Variants in DCC observed in about 807,000 individuals in gnomAD.
DCC encodes netrin receptor DCC.
Under a neutral mutation model 172.5 loss-of-function variants are expected in DCC, and 58 were observed. That is an observed-to-expected ratio of 0.34 (90% CI 0.27 to 0.42). DCC has a LOEUF of 0.42. Among genes scored for constraint, DCC ranks in the 10% least tolerant of loss-of-function variants. DCC has a pLI of 1.00. For synonymous variants in DCC, 709 were observed against 644.5 expected (o/e 1.10, Z -1.52); for missense variants, 1,740 against 1,791.0 (o/e 0.97, Z 0.51).
chr18:53,296,814 A>T (rs996013662), intron 12 of DCC, among the ~76,000 whole-genome samples: 1 of 152,212 alleles, frequency 6.6e-6, no homozygotes, highest in African/African-American at 2.4e-5. Context: ...CTGATTTTAA[A>T]TTAGTTTTCA....
chr18:52,455,945 A>T (rs972235542), intron 1 of DCC, among the ~76,000 whole-genome samples: 16 of 152,130 alleles, frequency 1.1e-4, no homozygotes, highest in Non-Finnish European at 2.2e-4. Context: ...CCATATGGTG[A>T]CTTTTGGAAG....
intron 5 of DCC, among the ~76,000 whole-genome samples, chr18:52,943,991 C>T (rs1400877953): frequency 6.6e-6 from 1 of 152,196 alleles, no homozygotes; most frequent in African/African-American, 2.4e-5. Flanking sequence ...CTCCTAACCT[C>T]AAGTGATCTG....
At chr18:52,729,061 A>AT (rs2036596479) in intron 1 of DCC, among the ~76,000 whole-genome samples, 1 of 152,308 alleles carries the variant, frequency 6.6e-6, no homozygotes, top group African/African-American at 2.4e-5. Context: ...TTTTTTAAAA[A>AT]TTTAAGCATA....
chr18:52,930,926 A>G (rs2040297937), intron 5 of DCC, among the ~76,000 whole-genome samples: 1 of 152,080 alleles, frequency 6.6e-6, no homozygotes, highest in African/African-American at 2.4e-5. Context: ...TATGGATTAC[A>G]TGTTGAATGT....
At chr18:52,682,649 T>A (rs1340638217) in intron 1 of DCC, among the ~76,000 whole-genome samples, 1 of 152,112 alleles carries the variant, frequency 6.6e-6, no homozygotes, top group Admixed American at 6.6e-5. Context: ...AAGCCAGTGA[T>A]GTCCTAGGAA....
chr18:52,574,136 C>G (rs950606929), intron 1 of DCC, among the ~76,000 whole-genome samples: 3 of 152,106 alleles, frequency 2.0e-5, no homozygotes, highest in Non-Finnish European at 2.9e-5. Context: ...TGTTGTTTAA[C>G]GTTTTTAAAT....
In DCC at chr18:53,021,806, G is replaced by A. The variant is rs372777073; in HGVS notation, c.986-41499G>A. Among the ~76,000 whole-genome samples the A allele has an allele frequency of 3.0e-4, 45 of 152,260 alleles. 1 individual carries two copies. Among genetic ancestry groups the A allele is most frequent in the African/African-American group, 7.2e-4 (30 of 41,540 alleles). On this transcript the variant is annotated intron_variant, in intron 5 of 28. Transcript: ENST00000442544. ...AGAAAAATAACTTGGATGACTTGAT[G>A]GATTTTGCACAATTCTGGAAAACCT...
intron 1 of DCC, among the ~76,000 whole-genome samples, chr18:52,535,941 A>T (rs1037862196): frequency 6.6e-6 from 1 of 152,308 alleles, no homozygotes; most frequent in East Asian, 1.9e-4. Flanking sequence ...GGGAGCACAG[A>T]GGAGGAAATA....
At chr18:52,691,053 A>G (rs1335546356) in intron 1 of DCC, among the ~76,000 whole-genome samples, 1 of 152,152 alleles carries the variant, frequency 6.6e-6, no homozygotes, top group Non-Finnish European at 1.5e-5. Context: ...GAGAAATGTC[A>G]CTGCCATGTA....
At chr18:53,092,145 T>C (rs2144185068) in intron 7 of DCC, among the ~76,000 whole-genome samples, 2 of 152,280 alleles carry the variant, frequency 1.3e-5, no homozygotes, top group South Asian at 2.1e-4. Flanking sequence ...GCTTCAAAAT[T>C]TGGAGAGTTT....
At chr18:53,514,423 C>G (rs2046305889) in intron 27 of DCC, among the ~76,000 whole-genome samples, 1 of 152,022 alleles carries the variant, frequency 6.6e-6, no homozygotes, top group African/African-American at 2.4e-5. Context: ...CATTCAAAAG[C>G]TAGCAGAAGG....
chr18:52,907,319 T>TGTATGG (rs2039901298), intron 3 of DCC, among the ~76,000 whole-genome samples: 1 of 147,626 alleles, frequency 6.8e-6, no homozygotes, highest in Admixed American at 6.8e-5. Flanking sequence ...TATGTATATG[T>TGTATGG]ATATATCCAT....
chr18:53,151,226 G>A (rs2043991837), intron 7 of DCC, among the ~76,000 whole-genome samples: 1 of 152,134 alleles, frequency 6.6e-6, no homozygotes, highest in Admixed American at 6.5e-5. Context: ...AATTAAATAG[G>A]TATCTGGAAA....
At chr18:53,449,693 TCTC>T (rs1406903832) in intron 22 of DCC, among the ~76,000 whole-genome samples, 3 of 152,164 alleles carry the variant, frequency 2.0e-5, no homozygotes, top group Non-Finnish European at 2.9e-5. Flanking sequence ...TAGCATCTCT[TCTC>T]CTCTCCGTAC....
Position 52,926,802 on chromosome 18 carries a change from T to C in DCC, c.985+1432T>C, listed in dbSNP as rs12963916. Among the ~76,000 whole-genome samples the C allele has an allele frequency of 2.5e-4, 35 of 139,146 alleles. 1 individual carries two copies. Among genetic ancestry groups the C allele is most frequent in the Non-Finnish European group, 1.4e-4 (9 of 62,834 alleles). The allele number at this position is 139,146 out of a possible 152,430, so 91.3% of individuals were successfully genotyped here. A position where few individuals can be genotyped will look rare whatever the true frequency, so the allele number is the denominator to read the frequency against. ...GTCTCTATATATATACACACACACA[T>C]ATACATATGTGTGTGTATATATACA... is the stretch of plus-strand genomic sequence containing the variant. On this transcript the variant is annotated intron_variant, in intron 5 of 28. Coordinates refer to ENST00000442544, the MANE Select transcript of DCC (RefSeq NM_005215.4).
chr18:52,715,295 C>T (rs371240989), intron 1 of DCC, among the ~76,000 whole-genome samples: 5 of 144,792 alleles, frequency 3.5e-5, no homozygotes, highest in Admixed American at 1.4e-4. Context: ...TTTTTCTTTT[C>T]TTTTTTTTTT....
chr18:52,511,695 G>C (rs754213283), intron 1 of DCC, among the ~76,000 whole-genome samples: 4 of 152,126 alleles, frequency 2.6e-5, no homozygotes, highest in African/African-American at 7.2e-5. Flanking sequence ...GAATTCTCGC[G>C]TTAAAGTTCA....
At chr18:52,902,761 C>T (rs1442699956) in intron 2 of DCC, among the ~76,000 whole-genome samples, 2 of 152,166 alleles carry the variant, frequency 1.3e-5, no homozygotes, top group African/African-American at 2.4e-5. Flanking sequence ...TGGGAGCATT[C>T]AGTCAAGCCT....
intron 12 of DCC, among the ~76,000 whole-genome samples, chr18:53,222,741 T>A (rs2055962280): frequency 6.6e-6 from 1 of 152,240 alleles, no homozygotes; most frequent in East Asian, 1.9e-4. Context: ...GTGAGAAATA[T>A]GTGAGGTTTC....
Sources: gnomAD v4.1 joint callset for allele counts (sites outside exome capture counted in the v4.1 genomes callset) on GRCh38, gnomAD v4.1.1 for gene constraint, MANE v1.5 for transcripts, NCBI Gene and HGNC (gene_info 2026-07-23, HGNC 2026-07-21) for gene names.